Variants in ZYG11A observed in about 807,000 individuals in gnomAD.
ZYG11A encodes protein zyg-11 homolog A.
In ZYG11A, 62 loss-of-function variants were observed where a neutral mutation model predicts 77.2. That is an observed-to-expected ratio of 0.80 (90% CI 0.65 to 0.99). The LOEUF is 0.99. Ranked by LOEUF, ZYG11A falls within the 50% of genes least tolerant of loss-of-function variation. ZYG11A has a pLI of 0.00. For synonymous variants in ZYG11A, 315 were observed against 324.6 expected, an observed-to-expected ratio of 0.97 and a Z score of 0.32; for missense variants, 828 against 896.8, an observed-to-expected ratio of 0.92 and a Z score of 0.98.
In ZYG11A at chr1:52,894,816, C is replaced by T. The variant is rs1236025639; in HGVS notation, c.*1859C>T. ...GATTCCAAAAGGATATCTTCCTGAC[C>T]TGGGTTCTAGTACCTCAGAGCATTG... is the stretch of plus-strand genomic sequence containing the variant. On this transcript the variant is annotated 3_prime_UTR_variant, in exon 14 of 14. Coordinates refer to ENST00000371528, the MANE Select transcript of ZYG11A (RefSeq NM_001004339.3). The T allele has an allele frequency of 2.6e-5, 4 of 152,184 alleles. No individual in the cohort carries two copies. Among genetic ancestry groups the T allele is most frequent in the Non-Finnish European group, 5.9e-5 (4 of 68,058 alleles). The allele number at this position is 152,184 out of a possible 1,614,324, so 9.4% of individuals were successfully genotyped here.
chr1:52,874,838 G>A (rs1362266381), intron 8 of ZYG11A, among the ~76,000 whole-genome samples: 2 of 152,168 alleles, frequency 1.3e-5, no homozygotes, highest in Non-Finnish European at 1.5e-5. Context: ...CTGCACTCCA[G>A]CCTTGGCAAC....
At chr1:52,889,059 A>G (rs1646496383) in intron 13 of ZYG11A, among the ~76,000 whole-genome samples, 1 of 152,232 alleles carries the variant, frequency 6.6e-6, no homozygotes, top group Non-Finnish European at 1.5e-5. Flanking sequence ...CACTTTATGA[A>G]TAACTCATTT....
intron 10 of ZYG11A, among the ~76,000 whole-genome samples, chr1:52,878,302 T>G (rs535129348): frequency 6.6e-6 from 1 of 152,276 alleles, no homozygotes; most frequent in African/African-American, 2.4e-5. Context: ...GTGGCTTGAC[T>G]GGGGCTGGAG....
intron 13 of ZYG11A, among the ~76,000 whole-genome samples, chr1:52,888,875 ACTTCT>A (rs1435843749): frequency 6.6e-6 from 1 of 152,162 alleles, no homozygotes; most frequent in Non-Finnish European, 1.5e-5. Flanking sequence ...TTGCACATAG[ACTTCT>A]CTTAACATTG....
intron 2 of ZYG11A, among the ~76,000 whole-genome samples, chr1:52,856,107 G>A (rs917706304): frequency 4.6e-5 from 7 of 152,132 alleles, no homozygotes; most frequent in Admixed American, 4.6e-4. Flanking sequence ...ATTTCTCCAC[G>A]TTCTCACCAA....
intron 13 of ZYG11A, among the ~76,000 whole-genome samples, chr1:52,888,715 T>A (rs1646489122): frequency 6.6e-6 from 1 of 152,166 alleles, no homozygotes; most frequent in Admixed American, 6.5e-5. Context: ...CCCAGCACTT[T>A]GGGAGGCCAA....
rs1268615796 is a variant in ZYG11A at position 52,867,760 on chromosome 1, C to A, written c.1525C>A (p.Leu509Ile). The A allele has an allele frequency of 4.5e-6, 7 of 1,551,354 alleles. No individual in the cohort carries two copies. Among genetic ancestry groups the A allele is most frequent in the Non-Finnish European group, 6.1e-6 (7 of 1,146,942 alleles). ...SPEQTAQLEE[L>I]FMAVKELLAI... ...TGAGCAAACGGCACAGCTTGAAGAGCTTTTCATGGCAGTTAAGGTAGGTTC... is the reference window on the plus strand; with the variant it reads ...TGAGCAAACGGCACAGCTTGAAGAGATTTTCATGGCAGTTAAGGTAGGTTC... The change falls in exon 8 of 14, where the codon CTT becomes ATT. Residue 509 changes from leucine (L) to isoleucine (I), a missense_variant. Coordinates refer to ENST00000371528, the MANE Select transcript of ZYG11A (RefSeq NM_001004339.3).
chr1:52,845,086 G>T (rs1037348306), intron 1 of ZYG11A, among the ~76,000 whole-genome samples: 1 of 151,904 alleles, frequency 6.6e-6, no homozygotes, highest in African/African-American at 2.4e-5. Context: ...TAGTAAGTTC[G>T]TATGCATTTA....
chr1:52,845,991 T>C (rs1004780681), intron 1 of ZYG11A, among the ~76,000 whole-genome samples: 4 of 152,068 alleles, frequency 2.6e-5, no homozygotes, highest in Non-Finnish European at 4.4e-5. Context: ...AATATAATTA[T>C]CAGTATTGTT....
chr1:52,888,604 C>T (rs535487239), intron 13 of ZYG11A, among the ~76,000 whole-genome samples: 5 of 152,224 alleles, frequency 3.3e-5, no homozygotes, highest in Admixed American at 1.3e-4. Flanking sequence ...GTGATCTGCC[C>T]GCCTCAGCCT....
At chr1:52,847,000 G>A (rs1645599451) in intron 1 of ZYG11A, among the ~76,000 whole-genome samples, 1 of 150,910 alleles carries the variant, frequency 6.6e-6, no homozygotes, top group African/African-American at 2.4e-5. Context: ...GGTACACGCC[G>A]CCACGCCTGG....
intron 11 of ZYG11A, among the ~76,000 whole-genome samples, chr1:52,882,687 A>C (rs1646382005): frequency 6.6e-6 from 1 of 152,230 alleles, no homozygotes; most frequent in Non-Finnish European, 1.5e-5. Context: ...TTTCCTTCAT[A>C]ATTTAAAAAT....
rs1455193226 is a variant in ZYG11A, at chr1:52,877,696, A to G, written c.1557A>G (p.Ile519Met). The stretch of plus-strand genomic sequence containing the variant: ...TTGGTTTTTAGGAACTTCTAGCAAT[A>G]GTAAAACAAAAGACTACTGAGAATT... ...LFMAVKELLAIVKQKTTENLD... is the reference protein window; with the variant it reads ...LFMAVKELLAMVKQKTTENLD... The change falls in exon 9 of 14, where the codon ATA becomes ATG. Residue 519 changes from isoleucine (I) to methionine (M), a missense_variant. Physicochemically the swap from Ile to Met is conservative, Grantham distance 10. Transcript: ENST00000371528. The G allele has an allele frequency of 1.3e-6, 2 of 1,549,042 alleles. No individual in the cohort carries two copies. Among genetic ancestry groups the G allele is most frequent in the Non-Finnish European group, 1.7e-6 (2 of 1,146,314 alleles).
At chr1:52,860,585 C>G (rs1557437394) in intron 3 of ZYG11A, 146 bp from the exon 4 acceptor site, 1 of 878,076 alleles carries the variant, frequency 1.1e-6, no homozygotes, top group East Asian at 2.7e-5. Context: ...GCGTGAGCCA[C>G]TGCGCCTGGC....
intron 3 of ZYG11A, among the ~76,000 whole-genome samples, chr1:52,859,560 C>T (rs1645884454): frequency 6.6e-6 from 1 of 150,980 alleles, no homozygotes; most frequent in African/African-American, 2.4e-5. Flanking sequence ...TAGTCTCGAT[C>T]TCCTGACCTC....
intron 10 of ZYG11A, among the ~76,000 whole-genome samples, chr1:52,878,189 A>G (rs79870775): frequency 0.026 from 3,971 of 152,278 alleles, 177 homozygotes; most frequent in African/African-American, 0.09. Context: ...CATTTAATTT[A>G]CTTATGAATC....
intron 3 of ZYG11A, among the ~76,000 whole-genome samples, chr1:52,860,083 T>G (rs1375226164): frequency 6.6e-6 from 1 of 152,224 alleles, no homozygotes; most frequent in African/African-American, 2.4e-5. Context: ...TCTAGGTTCT[T>G]TGTATTTCCA....
rs1391203592 is a variant in ZYG11A, at chr1:52,894,422, A to C, written c.*1465A>C. On this transcript the variant is annotated 3_prime_UTR_variant, in exon 14 of 14. Coordinates refer to ENST00000371528, the MANE Select transcript of ZYG11A (RefSeq NM_001004339.3). ...ACCAGCTTCAACTACAGTATAAACT[A>C]TATCAGAAGCTTACTTGATAAGCCT... 12 of 152,256 alleles carry C rather than the reference A, an allele frequency of 7.9e-5. No homozygotes were observed. The East Asian group carries it at 2.1e-3, about 27-fold the overall frequency. 9.4% of individuals were successfully genotyped at this position (152,256 alleles called of 1,614,324 possible).
intron 8 of ZYG11A, among the ~76,000 whole-genome samples, chr1:52,870,841 GGAGACAGTAGAAA>G (rs1230308740): frequency 3.3e-5 from 5 of 152,080 alleles, no homozygotes; most frequent in African/African-American, 1.2e-4. Context: ...GGCATCAGAG[GGAGACAGTAGAAA>G]GAGAGGGAGA....
Sources: allele counts gnomAD v4.1 joint callset (sites outside exome capture counted in the v4.1 genomes callset), GRCh38; gene constraint gnomAD v4.1.1; transcripts MANE v1.5; gene names NCBI Gene and HGNC (gene_info 2026-07-23, HGNC 2026-07-21).